The following LPA variants were observed in gnomAD, a reference collection of about 807,000 sequenced individuals.
The protein encoded by LPA is lipoprotein(a), also known as apolipoprotein(a).
Under a neutral mutation model 197.9 loss-of-function variants are expected in LPA, and 199 were observed. The observed-to-expected ratio is 1.01, with a 90% CI of 0.90 to 1.13. The LOEUF is 1.13. LPA is among the 50% of genes most tolerant of loss of function. The pLI is 0.00. For synonymous variants in LPA, 715 were observed against 639.5 expected, an observed-to-expected ratio of 1.12 and a Z score of -1.78; for missense variants, 1,853 against 1,785.8, an observed-to-expected ratio of 1.04 and a Z score of -0.68.
chr6:160,609,171 G>A (rs1348555825), intron 16 of LPA, among the ~76,000 whole-genome samples: 2 of 151,276 alleles, frequency 1.3e-5, no homozygotes, highest in East Asian at 3.9e-4. Flanking sequence ...TAATTCTTTC[G>A]GGTCACCTCT....
Position 160,593,966 on chromosome 6 carries a change from AT to A in LPA, c.3620del (p.Tyr1207PhefsTer6), listed in dbSNP as rs771372205. 9 of 1,613,808 alleles carry A rather than the reference AT, an allele frequency of 5.6e-6. No individual in the cohort carries two copies. The highest frequency in any genetic ancestry group is 7.6e-6 in the Non-Finnish European group (9 of 1,179,794). ...AAAACTCAAGGTTGTACCCATTTGG[AT>A]AATATTCTGTTGTCCTCTGATGCCA... Reference protein sequence around the residue: ...PHWHQRTTEYYPNGGLTRNYC... With the variant: ...PHWHQRTTEYXPNGGLTRNYC... On this transcript the variant is annotated frameshift_variant, in exon 22 of 39. Coordinates refer to ENST00000316300, the MANE Select transcript of LPA (RefSeq NM_005577.4). LOFTEE classifies it high-confidence loss of function.
intron 1 of LPA, among the ~76,000 whole-genome samples, chr6:160,662,582 C>T (rs1013705005): frequency 6.6e-6 from 1 of 152,134 alleles, no homozygotes; most frequent in Non-Finnish European, 1.5e-5. Context: ...GTGTAGCCTG[C>T]TGAATAAGTT....
intron 28 of LPA, among the ~76,000 whole-genome samples, chr6:160,565,864 G>A (rs577752918): frequency 2.6e-5 from 4 of 152,284 alleles, no homozygotes; most frequent in African/African-American, 4.8e-5. Context: ...ACCATGGCAC[G>A]AGAACTACGT....
chr6:160,546,378 A>G (rs183231078), intron 32 of LPA, among the ~76,000 whole-genome samples: 92 of 152,284 alleles, frequency 6.0e-4, no homozygotes, highest in African/African-American at 2.0e-3. Flanking sequence ...GAGGGCATAG[A>G]GGCTCTGAGC....
At chr6:160,584,817 A>T (rs1778876340) in intron 26 of LPA, among the ~76,000 whole-genome samples, 1 of 152,160 alleles carries the variant, frequency 6.6e-6, no homozygotes, top group Admixed American at 6.6e-5. Flanking sequence ...ATGAGACTTC[A>T]CCACCTCCAT....
rs116335465 is a variant in LPA, at chr6:160,580,960, G to A, written c.4290-2256C>T. ...TTTCTTTTACAGTTAGTGTTTTCTGGTTCTTCCCTCAAAAAATTTTTCCTT... is the reference window on the plus strand; with the variant it reads ...TTTCTTTTACAGTTAGTGTTTTCTGATTCTTCCCTCAAAAAATTTTTCCTT... On this transcript the variant is annotated intron_variant, in intron 26 of 38. Coordinates refer to ENST00000316300, the MANE Select transcript of LPA (RefSeq NM_005577.4). Among the ~76,000 whole-genome samples the A allele has an allele frequency of 5.4e-3, 822 of 151,328 alleles. 17 individuals carry two copies. The highest frequency in any genetic ancestry group is 0.019 in the African/African-American group (806 of 41,426).
intron 19 of LPA, among the ~76,000 whole-genome samples, chr6:160,599,962 AG>A (rs1779206817): frequency 1.3e-5 from 2 of 152,226 alleles, no homozygotes. Flanking sequence ...GAATCTCTAC[AG>A]AGTGTTCATG....
chr6:160,606,372 A>G, intron 17 of LPA, 105 bp downstream of exon 17: 3 of 1,492,060 alleles, frequency 2.0e-6, no homozygotes, highest in Non-Finnish European at 2.8e-6. Flanking sequence ...CTCAGTCAAC[A>G]CTCGAGCATC....
At chr6:160,555,112 C>T (rs897299181) in intron 30 of LPA, among the ~76,000 whole-genome samples, 12 of 151,798 alleles carry the variant, frequency 7.9e-5, no homozygotes, top group Non-Finnish European at 1.5e-4. Flanking sequence ...ATTTTAATCT[C>T]CATATCTGTT....
Position 160,531,627 on chromosome 6 carries a change from A to C in LPA, c.*102T>G, listed in dbSNP as rs1777807595. 6.7e-7 allele frequency: 1 copy of C among 1,490,168 alleles called. No homozygotes were observed. The highest frequency in any genetic ancestry group is 9.3e-7 in the Non-Finnish European group (1 of 1,069,850). 92.3% of individuals were successfully genotyped at this position (1,490,168 alleles called of 1,614,324 possible). ...TTTGGCATAGCTGGTAGCTGGGAACAGTGTCTTCGTTTGATTGCTGTCTAT... is the reference window on the plus strand; with the variant it reads ...TTTGGCATAGCTGGTAGCTGGGAACCGTGTCTTCGTTTGATTGCTGTCTAT... On this transcript the variant is annotated 3_prime_UTR_variant, in exon 39 of 39. Transcript: ENST00000316300.
In LPA at chr6:160,647,693, A is replaced by G. The variant is rs79061691; in HGVS notation, c.210-1298T>C. On this transcript the variant is annotated intron_variant, in intron 2 of 38. Transcript: ENST00000316300. ...CACACATTAACCTTTTATTAGTATT[A>G]CATACTATCGTGCATGAGGTAAGAA... 3.0e-4 allele frequency among the ~76,000 whole-genome samples: 45 copies of G among 152,358 alleles called. No homozygotes were observed. In the East Asian group the frequency reaches 7.9e-3, roughly 27 times the overall value.
Position 160,577,118 on chromosome 6 carries a change from T to A in LPA, c.4631+18A>T, listed in dbSNP as rs1364033074. 2 of 1,612,290 alleles carry A rather than the reference T, an allele frequency of 1.2e-6. No individual in the cohort carries two copies. Among genetic ancestry groups the A allele is most frequent in the Non-Finnish European group, 1.7e-6 (2 of 1,179,404 alleles). On this transcript the variant is annotated intron_variant, in intron 28 of 38. Transcript: ENST00000316300. ...GAGTTGGCTGTTGCTCCTCTTATGG[T>A]TTTAATCAAATACATACGCATTTGG... is the stretch of plus-strand genomic sequence containing the variant.
chr6:160,600,678 G>A (rs983546347), intron 19 of LPA, among the ~76,000 whole-genome samples: 2 of 152,132 alleles, frequency 1.3e-5, no homozygotes, highest in Admixed American at 1.3e-4. Flanking sequence ...TGAGGGGAGT[G>A]GTGAAGTCGA....
In LPA at chr6:160,591,008, G is replaced by A. The variant is rs1779018885; in HGVS notation, c.3723C>T (p.Asn1241=). 6.2e-7 allele frequency: 1 copy of A among 1,613,966 alleles called. No homozygotes were observed. The highest frequency in any genetic ancestry group is 2.2e-5 in the East Asian group (1 of 44,832). ...ATTCTGTCACTGGACATTGTGTCAG[G>A]TTGCAGTACTCCCATCTGACATTGG... ...MDPNVRWEYC[N]LTQCPVTESS... is the part of the protein sequence containing the mutation. Residue 1241 remains asparagine, a synonymous_variant, in exon 23 of 39, where the codon AAC becomes AAT. Transcript: ENST00000316300.
chr6:160,560,305 A>C, intron 28 of LPA, among the ~76,000 whole-genome samples: 1 of 152,236 alleles, frequency 6.6e-6, no homozygotes, highest in East Asian at 1.9e-4. Context: ...GTATATACCC[A>C]GTAATGGGAT....
intron 1 of LPA, among the ~76,000 whole-genome samples, chr6:160,661,193 G>T (rs1582907704): frequency 6.6e-6 from 1 of 152,364 alleles, no homozygotes; most frequent in East Asian, 1.9e-4. Context: ...GCCAAAAGAG[G>T]CTAATAAAAT....
At chr6:160,594,294 AC>A (rs1779088617) in intron 21 of LPA, among the ~76,000 whole-genome samples, 177 bp from the exon 22 acceptor site, 1 of 152,220 alleles carries the variant, frequency 6.6e-6, no homozygotes, top group South Asian at 2.1e-4. Flanking sequence ...GCATTCTAGA[AC>A]TTTAACGAGT....
At chr6:160,657,487 C>T (rs1780152333) in intron 1 of LPA, among the ~76,000 whole-genome samples, 1 of 151,316 alleles carries the variant, frequency 6.6e-6, no homozygotes, top group African/African-American at 2.4e-5. Flanking sequence ...CAATCTCTGC[C>T]TCACAGGTTC....
intron 24 of LPA, among the ~76,000 whole-genome samples, chr6:160,587,984 C>G (rs1269871983): frequency 6.6e-6 from 1 of 152,040 alleles, no homozygotes; most frequent in African/African-American, 2.4e-5. Context: ...CTTTTCTTTT[C>G]TCTTGCTATT....
Sources: gnomAD v4.1 joint callset for allele counts (sites outside exome capture counted in the v4.1 genomes callset) on GRCh38, gnomAD v4.1.1 for gene constraint, MANE v1.5 for transcripts, NCBI Gene and HGNC (gene_info 2026-07-23, HGNC 2026-07-21) for gene names.